SLCO3A1: variants seen among roughly 807,000 people sequenced by gnomAD.
SLCO3A1 encodes the protein PGE1 transporter.
In SLCO3A1, 27 loss-of-function variants were observed where a neutral mutation model predicts 63.1. The ratio of observed to expected loss-of-function variants is 0.43; its 90% CI spans 0.32 to 0.59. The LOEUF is 0.59. Among genes scored for constraint, SLCO3A1 ranks in the 20% least tolerant of loss-of-function variants. The pLI, the probability that SLCO3A1 is intolerant of heterozygous loss-of-function variation, is 0.09. For synonymous variants in SLCO3A1, 473 were observed against 409.9 expected (o/e 1.15, Z -1.86); for missense variants, 773 against 945.8 (o/e 0.82, Z 2.40).
At chr15:91,947,958 A>G (rs907885409) in intron 2 of SLCO3A1, among the ~76,000 whole-genome samples, 32 of 152,312 alleles carry the variant, frequency 2.1e-4, no homozygotes, top group African/African-American at 6.7e-4. Context: ...ACTGCAGCCC[A>G]GTTAGCAGGG....
At chr15:91,869,912 C>T (rs562504920) in intron 1 of SLCO3A1, among the ~76,000 whole-genome samples, 1 of 152,280 alleles carries the variant, frequency 6.6e-6, no homozygotes, top group Non-Finnish European at 1.5e-5. Flanking sequence ...CAGATGCTCA[C>T]CTGCTCAGGT....
At chr15:92,021,156 G>T (rs186322660) in intron 2 of SLCO3A1, among the ~76,000 whole-genome samples, 11 of 152,264 alleles carry the variant, frequency 7.2e-5, no homozygotes, top group South Asian at 4.1e-4. Context: ...TGTCATCATC[G>T]CATCCTCACA....
At chr15:91,917,593 C>T (rs925759143) in intron 2 of SLCO3A1, among the ~76,000 whole-genome samples, 9 of 152,076 alleles carry the variant, frequency 5.9e-5, no homozygotes, top group East Asian at 1.9e-4. Context: ...GGAAGGAATG[C>T]GCCTCTCCAT....
intron 2 of SLCO3A1, among the ~76,000 whole-genome samples, chr15:91,956,306 C>T (rs988605077): frequency 6.6e-6 from 1 of 152,084 alleles, no homozygotes; most frequent in African/African-American, 2.4e-5. Context: ...GGATTTGATG[C>T]GAAATGGGCT....
At chr15:92,020,776 C>A (rs2046499178) in intron 2 of SLCO3A1, among the ~76,000 whole-genome samples, 3 of 152,180 alleles carry the variant, frequency 2.0e-5, no homozygotes, top group Admixed American at 6.5e-5. Flanking sequence ...TCCATGTGGG[C>A]AGTGGTGGAG....
chr15:91,943,920 T>C (rs7163871), intron 2 of SLCO3A1, among the ~76,000 whole-genome samples: 116,986 of 152,128 alleles, frequency 0.77, 45,302 homozygotes, highest in East Asian at 0.98. Context: ...CCATGTTGCT[T>C]GTCTTGGGTG....
At chr15:91,984,785 C>G (rs1297269033) in intron 2 of SLCO3A1, among the ~76,000 whole-genome samples, 6 of 151,966 alleles carry the variant, frequency 3.9e-5, no homozygotes, top group Non-Finnish European at 8.8e-5. Context: ...TTATTTTATC[C>G]ATCATTTCAC....
chr15:91,973,419 G>A (rs1900959695), intron 2 of SLCO3A1, among the ~76,000 whole-genome samples: 1 of 152,224 alleles, frequency 6.6e-6, no homozygotes, highest in Non-Finnish European at 1.5e-5. Context: ...ATTCAAACCT[G>A]TGACAAGTCA....
rs1390871858 is a variant in SLCO3A1 at position 92,126,082 on chromosome 15, C to T, written c.1196C>T (p.Ala399Val). 6.2e-7 allele frequency: 1 copy of T among 1,613,740 alleles called. No individual in the cohort carries two copies. Among genetic ancestry groups the T allele is most frequent in the African/African-American group, 1.3e-5 (1 of 74,796 alleles). ...CCAGGGATGACTGCGATCCCGTGTG[C>T]TTGTCTGGGTATCTTCCTGGGAGGT... ...QLLGMTAIPC[A>V]CLGIFLGGLL... Residue 399 changes from alanine (A) to valine (V), a missense_variant, in exon 6 of 10, where the codon GCT (alanine) becomes GTT (valine). This residue lies in a region of SLCO3A1 where 565 missense variants were observed against 749.8 expected (regional missense o/e 0.75). Coordinates refer to ENST00000318445, the MANE Select transcript of SLCO3A1 (RefSeq NM_013272.4).
intron 1 of SLCO3A1, among the ~76,000 whole-genome samples, chr15:91,892,613 CTG>C (rs1897899057): frequency 6.6e-6 from 1 of 152,222 alleles, no homozygotes; most frequent in Non-Finnish European, 1.5e-5. Flanking sequence ...CTTATCTCAG[CTG>C]TGCCACACAC....
At chr15:91,878,594 G>A (rs1007935966) in intron 1 of SLCO3A1, among the ~76,000 whole-genome samples, 67 of 152,290 alleles carry the variant, frequency 4.4e-4, no homozygotes, top group African/African-American at 1.4e-3. Flanking sequence ...GAATGGCATC[G>A]TGACAGGGAC....
intron 8 of SLCO3A1, among the ~76,000 whole-genome samples, chr15:92,150,684 T>G (rs1197762142): frequency 1.3e-5 from 2 of 152,196 alleles, no homozygotes; most frequent in Non-Finnish European, 2.9e-5. Context: ...AAATTTGCAT[T>G]CTGTCCTTCG....
intron 4 of SLCO3A1, among the ~76,000 whole-genome samples, chr15:92,120,095 ATTTTT>A (rs978818844): frequency 6.6e-6 from 1 of 150,730 alleles, no homozygotes. Context: ...ACACACACAC[ATTTTT>A]TTTTCTTTTG....
intron 4 of SLCO3A1, among the ~76,000 whole-genome samples, chr15:92,115,673 AGACCAG>A (rs200790856): frequency 0.011 from 1,719 of 152,132 alleles, 17 homozygotes; most frequent in South Asian, 0.015. Flanking sequence ...CTGACTCCTT[AGACCAG>A]GTTCTTAGCC....
At chr15:92,058,401 A>G (rs908650) in intron 2 of SLCO3A1, among the ~76,000 whole-genome samples, 119,360 of 151,948 alleles carry the variant, frequency 0.79, 47,005 homozygotes, top group Admixed American at 0.88. Context: ...CAACCAAATG[A>G]TTGAGTTTTA....
chr15:91,999,617 G>A (rs115168245), intron 2 of SLCO3A1, among the ~76,000 whole-genome samples: 2,484 of 152,178 alleles, frequency 0.016, 72 homozygotes, highest in African/African-American at 0.057. Flanking sequence ...AAAATACAGG[G>A]AAGTGAGGAT....
At chr15:91,944,808 G>A (rs1285513575) in intron 2 of SLCO3A1, among the ~76,000 whole-genome samples, 3 of 152,114 alleles carry the variant, frequency 2.0e-5, no homozygotes, top group African/African-American at 2.4e-5. Flanking sequence ...GGAAAGGCAC[G>A]AGCAGGCTCC....
Position 92,171,887 on chromosome 15 carries a change from G to A in SLCO3A1, c.*25G>A, listed in dbSNP as rs941816597. ...AGGGCCTGGCCCTCTTCCTCTTCCTGGAGAGAACAGCCCACCACCACCCAC... is the reference window on the plus strand; with the variant it reads ...AGGGCCTGGCCCTCTTCCTCTTCCTAGAGAGAACAGCCCACCACCACCCAC... On this transcript the variant is annotated 3_prime_UTR_variant, in exon 11 of 11. Coordinates refer to the SLCO3A1 transcript ENST00000424469. 5.2e-6 allele frequency: 8 copies of A among 1,525,656 alleles called. No individual in the cohort carries two copies. The Admixed American group carries it at 7.9e-5, about 15-fold the overall frequency. 94.5% of individuals were successfully genotyped at this position (1,525,656 alleles called of 1,614,324 possible).
intron 1 of SLCO3A1, among the ~76,000 whole-genome samples, chr15:91,904,424 T>G (rs1045269465): frequency 1.2e-4 from 18 of 150,278 alleles, no homozygotes; most frequent in African/African-American, 4.4e-4. Flanking sequence ...GCGTGATACA[T>G]TGCAAATTGC....
Sources: allele counts gnomAD v4.1 joint callset (sites outside exome capture counted in the v4.1 genomes callset), GRCh38; gene constraint gnomAD v4.1.1; regional missense constraint gnomAD v4.1.1; transcripts MANE v1.5; gene names NCBI Gene and HGNC (gene_info 2026-07-23, HGNC 2026-07-21).